Variants in BEGAIN observed in about 807,000 individuals in gnomAD.
BEGAIN encodes the protein brain enriched guanylate kinase associated, also known as brain-enriched guanylate kinase-associated protein.
In BEGAIN, 19 loss-of-function variants were observed where a neutral mutation model predicts 35.8. The ratio of observed to expected loss-of-function variants is 0.53; its 90% CI spans 0.37 to 0.78. BEGAIN has a LOEUF of 0.78. Among genes scored for constraint, BEGAIN ranks in the 30% least tolerant of loss-of-function variants. BEGAIN has a pLI of 0.00. For missense variants in BEGAIN, 795 were observed against 853.6 expected (o/e 0.93, Z 0.85); for synonymous variants, 462 against 388.6 (o/e 1.19, Z -2.22).
Position 100,537,705 on chromosome 14 carries a change from G to A in BEGAIN, c.*264C>T, listed in dbSNP as rs896864499. On this transcript the variant is annotated 3_prime_UTR_variant, in exon 7 of 7. Coordinates refer to ENST00000554140, the MANE Select transcript of BEGAIN (RefSeq NM_001385089.1). Reference sequence around the variant, plus strand: ...AATAGTTTCGCTTTATAAAAGGGGGGATGCTCCTCTCACATGGGGGAAGGA... The same window carrying A: ...AATAGTTTCGCTTTATAAAAGGGGGAATGCTCCTCTCACATGGGGGAAGGA... The A allele has an allele frequency of 5.4e-5, 24 of 446,020 alleles. No individual in the cohort carries two copies. The highest frequency in any genetic ancestry group is 7.9e-5 in the Admixed American group (2 of 25,376). 27.6% of individuals were successfully genotyped at this position (446,020 alleles called of 1,614,324 possible).
intron 2 of BEGAIN, chr14:100,550,487 A>G (rs11845599): frequency 0.44 from 174,866 of 398,958 alleles, 41,793 homozygotes; most frequent in East Asian, 0.74. Context: ...CCGAGGCACA[A>G]GGGCACCCAG....
At chr14:100,574,374 G>C (rs928924382) in intron 1 of BEGAIN, among the ~76,000 whole-genome samples, 1 of 152,210 alleles carries the variant, frequency 6.6e-6, no homozygotes, top group Non-Finnish European at 1.5e-5. Flanking sequence ...CCTGGGTCTT[G>C]TCTAGGCTCT....
At position 100,538,047 on chromosome 14, in the gene BEGAIN, A is replaced by T. The variant is rs771288091; in HGVS notation, c.1761T>A (p.Phe587Leu). ...PAARLSPQQA[F>L]PRTGGSGLSR... ...TCAGCCCCGAGCCACCAGTCCGCGG[A>T]AAGGCCTGCTGGGGGCTGAGGCGGG... Residue 587 changes from phenylalanine (F) to leucine (L), a missense_variant, in exon 7 of 7, where the codon TTT (phenylalanine) becomes TTA (leucine). This residue lies in a region of BEGAIN where 664 missense variants were observed against 647.7 expected (regional missense o/e 1.03). Transcript: ENST00000554140. 1 of 1,607,554 alleles carries T rather than the reference A, an allele frequency of 6.2e-7. No homozygotes were observed. The highest frequency in any genetic ancestry group is 8.5e-7 in the Non-Finnish European group (1 of 1,177,966).
chr14:100,552,216 C>T (rs1285204248), intron 2 of BEGAIN, among the ~76,000 whole-genome samples: 3 of 152,034 alleles, frequency 2.0e-5, no homozygotes, highest in Non-Finnish European at 4.4e-5. Context: ...AAACTGAGGC[C>T]CAGGGAAGGG....
At chr14:100,557,888 A>T (rs953146767) in intron 2 of BEGAIN, among the ~76,000 whole-genome samples, 3 of 151,990 alleles carry the variant, frequency 2.0e-5, no homozygotes, top group Non-Finnish European at 4.4e-5. Flanking sequence ...AAGTGAAACC[A>T]TCCAAAGGGC....
intron 2 of BEGAIN, among the ~76,000 whole-genome samples, chr14:100,561,467 G>C (rs1248034282): frequency 6.6e-6 from 1 of 152,174 alleles, no homozygotes; most frequent in Admixed American, 6.5e-5. Flanking sequence ...ATCTGCCCAA[G>C]GCCAGGTGTG....
intron 2 of BEGAIN, among the ~76,000 whole-genome samples, chr14:100,560,267 C>G (rs534363161): frequency 6.6e-6 from 1 of 152,216 alleles, no homozygotes. Flanking sequence ...CCCGGCGGCC[C>G]TACCGCACTC....
chr14:100,539,455 A>C (rs375464726), intron 6 of BEGAIN, 140 bp from the exon 7 acceptor site: 2 of 1,408,252 alleles, frequency 1.4e-6, no homozygotes, highest in East Asian at 2.6e-5. Context: ...CGGCTTCTCA[A>C]ATCACACCAG....
At chr14:100,553,419 C>T (rs941873138) in intron 2 of BEGAIN, among the ~76,000 whole-genome samples, 1 of 152,140 alleles carries the variant, frequency 6.6e-6, no homozygotes, top group African/African-American at 2.4e-5. Flanking sequence ...TGGCCACACC[C>T]CAACACCATA....
Position 100,559,839 on chromosome 14 carries a change from A to T in BEGAIN, c.71+8072T>A, listed in dbSNP as rs565511612. Among the ~76,000 whole-genome samples, 5 of 152,338 alleles carry T rather than the reference A, an allele frequency of 3.3e-5. No homozygotes were observed. In the South Asian group the frequency reaches 1.0e-3, roughly 32 times the overall value. ...CACAGACACTCACACTCAAGAGGCA[A>T]GACCCAGTCTCCAAGAAAAGCCTGC... On this transcript the variant is annotated intron_variant, in intron 2 of 6. Coordinates refer to ENST00000554140, the MANE Select transcript of BEGAIN (RefSeq NM_001385089.1).
chr14:100,569,072 C>G (rs2034967844), intron 1 of BEGAIN: 2 of 376,460 alleles, frequency 5.3e-6, no homozygotes, highest in African/African-American at 2.2e-5. Flanking sequence ...CCCGGGGCCT[C>G]GGCCAGGCTC....
At position 100,558,799 on chromosome 14, in the gene BEGAIN, G is replaced by A. The variant is rs541267017; in HGVS notation, c.71+9112C>T. 3.3e-5 allele frequency among the ~76,000 whole-genome samples: 5 copies of A among 152,262 alleles called. No homozygotes were observed. Among genetic ancestry groups the A allele is most frequent in the South Asian group, 4.1e-4 (2 of 4,824 alleles). On this transcript the variant is annotated intron_variant, in intron 2 of 6. Transcript: ENST00000554140. The surrounding 1 kb of genome is among the most constrained non-coding windows in gnomAD (Gnocchi z 4.6). ...GGCCCACTCCTTTCAAGTGACTGCC[G>A]CACAGCCCCATGGCAGTCTCAGCTA...
At chr14:100,581,271 C>T (rs1447457932) in intron 1 of BEGAIN, among the ~76,000 whole-genome samples, 1 of 152,202 alleles carries the variant, frequency 6.6e-6, no homozygotes, top group Non-Finnish European at 1.5e-5. Context: ...GTTCTGGGGG[C>T]TCTGGCCAAC....
In BEGAIN at chr14:100,538,520, CG is replaced by C; in HGVS notation, c.1287del (p.Glu431ArgfsTer3). ...CGCCACTGGCCCCTCATGTCCTCCC[CG>C]GGGAGCCGGGCGGTCCCCGGCTTGG... Reference protein sequence around the residue: ...LRAKPGTARLPGEDMRGQWRP... With the variant: ...LRAKPGTARLXGEDMRGQWRP... On this transcript the variant is annotated frameshift_variant, in exon 7 of 7. Transcript: ENST00000554140. LOFTEE classifies it low-confidence loss of function (END_TRUNC). The C allele has an allele frequency of 6.6e-7, 1 of 1,519,588 alleles. No homozygotes were observed. Among genetic ancestry groups the C allele is most frequent in the Non-Finnish European group, 8.8e-7 (1 of 1,137,154 alleles). 94.1% of individuals were successfully genotyped at this position (1,519,588 alleles called of 1,614,324 possible).
At position 100,538,084 on chromosome 14, in the gene BEGAIN, A is replaced by C; in HGVS notation, c.1724T>G (p.Met575Arg). 1 of 1,588,732 alleles carries C rather than the reference A, an allele frequency of 6.3e-7. No homozygotes were observed. The highest frequency in any genetic ancestry group is 8.6e-7 in the Non-Finnish European group (1 of 1,169,368). ...EPSSMEASPEMHPAARLSPQQ... is the reference protein window; with the variant it reads ...EPSSMEASPERHPAARLSPQQ... The stretch of plus-strand genomic sequence containing the variant: ...GGGGCTGAGGCGGGCGGCAGGATGC[A>C]TTTCCGGGGAGGCCTCCATGGAGCT... Residue 575 changes from methionine to arginine, a missense_variant, in exon 7 of 7, where the codon ATG becomes AGG. This residue lies in a region of BEGAIN where 664 missense variants were observed against 647.7 expected (regional missense o/e 1.03). Coordinates refer to ENST00000554140, the MANE Select transcript of BEGAIN (RefSeq NM_001385089.1).
chr14:100,559,919 G>A (rs112340175), intron 2 of BEGAIN, among the ~76,000 whole-genome samples: 72 of 152,364 alleles, frequency 4.7e-4, no homozygotes, highest in Non-Finnish European at 6.3e-4. Context: ...CGCCGGGGCC[G>A]AGGAGAGAGC....
rs146123018 is a variant in BEGAIN, at chr14:100,561,498, C to T, written c.71+6413G>A. On this transcript the variant is annotated intron_variant, in intron 2 of 6. Coordinates refer to ENST00000554140, the MANE Select transcript of BEGAIN (RefSeq NM_001385089.1). ...GTGTGGTGGCTCATGTCTGTAATCC[C>T]AGCACTTTGGGAGGCCGAGGCAGGA... Among the ~76,000 whole-genome samples, 20 of 152,278 alleles carry T rather than the reference C, an allele frequency of 1.3e-4. 1 individual carries two copies. The highest frequency in any genetic ancestry group is 4.6e-4 in the African/African-American group (19 of 41,546).
rs780718553 is a variant in BEGAIN, at chr14:100,538,198, C to T, written c.1610G>A (p.Gly537Glu). ...DPLPGYAPSE[G>E]GDGDRLGVQL... ...CACCCCGAGCCTGTCCCCGTCCCCC[C>T]CCTCGCTGGGTGCATAGCCGGGCAG... Residue 537 changes from glycine to glutamate, a missense_variant, in exon 7 of 7, where the codon GGG becomes GAG. This residue lies in a region of BEGAIN where 664 missense variants were observed against 647.7 expected (regional missense o/e 1.03). Coordinates refer to ENST00000554140, the MANE Select transcript of BEGAIN (RefSeq NM_001385089.1). 25 of 1,553,008 alleles carry T rather than the reference C, an allele frequency of 1.6e-5. No homozygotes were observed. The highest frequency in any genetic ancestry group is 2.3e-5 in the East Asian group (1 of 42,674).
chr14:100,550,453 C>T (rs1351511202), intron 2 of BEGAIN: 2 of 399,184 alleles, frequency 5.0e-6, no homozygotes, highest in African/African-American at 2.1e-5. Context: ...CCTGGCCAGC[C>T]GGCCCTGCAG....
Sources: allele counts gnomAD v4.1 joint callset (sites outside exome capture counted in the v4.1 genomes callset), GRCh38; gene constraint gnomAD v4.1.1; regional missense constraint gnomAD v4.1.1; non-coding constraint Gnocchi (gnomAD v3.1); transcripts MANE v1.5; gene names NCBI Gene and HGNC (gene_info 2026-07-23, HGNC 2026-07-21).